TMPRSS2: variants seen among roughly 807,000 people sequenced by gnomAD.
TMPRSS2 encodes transmembrane protease serine 2.
A neutral mutation model predicts 67.4 loss-of-function variants in TMPRSS2; 59 were observed. The observed-to-expected ratio is 0.88, with a 90% CI of 0.71 to 1.09. The LOEUF is 1.09. Among genes scored for constraint, TMPRSS2 ranks in the 50% least tolerant of loss-of-function variants. The probability of loss-of-function intolerance (pLI) is 0.00; values close to 1 mark genes in which losing one functional copy is unlikely to be tolerated. For missense variants in TMPRSS2, 668 were observed against 642.7 expected, an observed-to-expected ratio of 1.04 and a Z score of -0.43; for synonymous variants, 257 against 257.0, an observed-to-expected ratio of 1.00 and a Z score of 0.00.
rs79397218 is a variant in TMPRSS2, at chr21:41,480,455, C to A, written c.572+21G>T. ...TCTGCTGTCTGTTACTGTCACTCGG[C>A]GGGTGCTGCCCCATACTCACTTATA... On this transcript the variant is annotated intron_variant, in intron 6 of 13. Transcript: ENST00000332149. 582 of 1,609,068 alleles carry A rather than the reference C, an allele frequency of 3.6e-4. 9 individuals are homozygous for A. The South Asian group carries it at 6.1e-3, about 17-fold the overall frequency.
chr21:41,472,762 C>T (rs2091145850), intron 9 of TMPRSS2, among the ~76,000 whole-genome samples: 1 of 152,184 alleles, frequency 6.6e-6, no homozygotes. Flanking sequence ...AATACATCCG[C>T]CAAGTGAGGC....
chr21:41,468,702 G>A, intron 11 of TMPRSS2, 164 bp from the exon 12 acceptor site: 1 of 710,064 alleles, frequency 1.4e-6, no homozygotes, highest in Non-Finnish European at 2.3e-6. Flanking sequence ...CCTCTCCTGG[G>A]AAACCTGGAT....
chr21:41,500,729 T>C (rs2146501180), intron 1 of TMPRSS2, among the ~76,000 whole-genome samples: 1 of 152,340 alleles, frequency 6.6e-6, no homozygotes, highest in East Asian at 1.9e-4. Flanking sequence ...GGAAAGTGAC[T>C]AATGTACAGG....
intron 6 of TMPRSS2, among the ~76,000 whole-genome samples, 164 bp from the exon 7 acceptor site, chr21:41,479,446 C>T (rs895790613): frequency 2.0e-5 from 3 of 152,114 alleles, no homozygotes; most frequent in African/African-American, 4.8e-5. Context: ...AATATTGTAA[C>T]GATTTTTCGA....
Position 41,465,938 on chromosome 21 carries a change from C to T in TMPRSS2, c.*204G>A. 1 of 632,796 alleles carries T rather than the reference C, an allele frequency of 1.6e-6. No homozygotes were observed. Among genetic ancestry groups the T allele is most frequent in the African/African-American group, 1.9e-5 (1 of 53,896 alleles). The allele number at this position is 632,796 out of a possible 1,614,324, so 39.2% of individuals were successfully genotyped here. Reference sequence around the variant, plus strand: ...CCAGCCGGCCATCACCCCTTGCGGACAAGGGGTTAGGGAGAGCAGGCTGGG... The same window carrying T: ...CCAGCCGGCCATCACCCCTTGCGGATAAGGGGTTAGGGAGAGCAGGCTGGG... On this transcript the variant is annotated 3_prime_UTR_variant, in exon 14 of 14. Coordinates refer to ENST00000332149, the MANE Select transcript of TMPRSS2 (RefSeq NM_005656.4).
Position 41,464,960 on chromosome 21 carries a change from C to T in TMPRSS2, c.*1182G>A, listed in dbSNP as rs1383329311. Reference sequence around the variant, plus strand: ...TGGCACTTGGCAATGCAAAAGGGACCCTTCCCCTGGTTGGAAACCCACAGC... The same window carrying T: ...TGGCACTTGGCAATGCAAAAGGGACTCTTCCCCTGGTTGGAAACCCACAGC... On this transcript the variant is annotated 3_prime_UTR_variant, in exon 14 of 14. Transcript: ENST00000332149. 8.6e-6 allele frequency: 2 copies of T among 233,276 alleles called. No homozygotes were observed. Among genetic ancestry groups the T allele is most frequent in the East Asian group, 1.2e-4 (2 of 16,596 alleles). The allele number at this position is 233,276 out of a possible 1,614,324, so 14.5% of individuals were successfully genotyped here.
At chr21:41,507,240 G>C (rs2091464038) in intron 1 of TMPRSS2, among the ~76,000 whole-genome samples, 1 of 152,212 alleles carries the variant, frequency 6.6e-6, no homozygotes, top group African/African-American at 2.4e-5. Context: ...ACCACTCAGG[G>C]TGCCACTGTG....
intron 9 of TMPRSS2, 83 bp from the exon 10 acceptor site, chr21:41,472,064 G>A: frequency 7.3e-7 from 1 of 1,363,792 alleles, no homozygotes; most frequent in East Asian, 2.4e-5. Context: ...AGAAGCTGGA[G>A]GCAAGACACC....
chr21:41,481,472 G>C (rs368635430), intron 5 of TMPRSS2, among the ~76,000 whole-genome samples: 1 of 152,164 alleles, frequency 6.6e-6, no homozygotes, highest in Non-Finnish European at 1.5e-5. Flanking sequence ...TAGGAGGGAC[G>C]GGCTGGGAGG....
chr21:41,483,766 CTT>C (rs35641122), intron 5 of TMPRSS2, among the ~76,000 whole-genome samples: 6 of 140,986 alleles, frequency 4.3e-5, no homozygotes, highest in East Asian at 2.0e-4. Context: ...CAAGCTAGTC[CTT>C]TTTTTTTTTT....
chr21:41,507,488 G>T (rs1042162529), intron 1 of TMPRSS2, among the ~76,000 whole-genome samples: 1 of 152,170 alleles, frequency 6.6e-6, no homozygotes, highest in African/African-American at 2.4e-5. Context: ...CTCGCCCGGG[G>T]GCCCTCCAGC....
chr21:41,487,227 G>A (rs899877772), intron 5 of TMPRSS2: 1 of 152,258 alleles, frequency 6.6e-6, no homozygotes, highest in African/African-American at 2.4e-5. Context: ...AGGAAATCCT[G>A]TCATTTCCAA....
Position 41,490,320 on chromosome 21 carries a change from A to AT in TMPRSS2, c.239-728dup, listed in dbSNP as rs1268850887. Among the ~76,000 whole-genome samples the AT allele has an allele frequency of 2.0e-5, 3 of 152,304 alleles. No individual in the cohort carries two copies. The East Asian group carries it at 5.8e-4, about 29-fold the overall frequency. On this transcript the variant is annotated intron_variant, in intron 3 of 13. Transcript: ENST00000332149. ...GTTAGTGGTACTCAAAGCAGAATAA[A>AT]TTGTCTTACCCAAGGCTATTTAGCG...
At chr21:41,489,287 C>T (rs2091319077) in intron 4 of TMPRSS2, among the ~76,000 whole-genome samples, 1 of 152,198 alleles carries the variant, frequency 6.6e-6, no homozygotes, top group Admixed American at 6.5e-5. Flanking sequence ...TGCTGGGTGG[C>T]ACCAAGCACC....
intron 13 of TMPRSS2, among the ~76,000 whole-genome samples, chr21:41,466,991 C>T (rs1246173312): frequency 6.6e-6 from 1 of 152,104 alleles, no homozygotes; most frequent in East Asian, 1.9e-4. Flanking sequence ...AGAACCCTGG[C>T]TGCTCCTGCC....
chr21:41,496,408 C>T (rs1378410656), intron 2 of TMPRSS2, among the ~76,000 whole-genome samples: 2 of 152,184 alleles, frequency 1.3e-5, no homozygotes, highest in Admixed American at 1.3e-4. Flanking sequence ...AGCTCTGCTG[C>T]AATAAACATT....
At chr21:41,500,077 C>A (rs2091413657) in intron 1 of TMPRSS2, among the ~76,000 whole-genome samples, 2 of 152,180 alleles carry the variant, frequency 1.3e-5, no homozygotes, top group African/African-American at 4.8e-5. Context: ...GCAGGCAGCA[C>A]TGGGCAGCGG....
At chr21:41,487,011 A>G (rs2091303505) in intron 5 of TMPRSS2, 1 of 152,220 alleles carries the variant, frequency 6.6e-6, no homozygotes, top group Non-Finnish European at 1.5e-5. Flanking sequence ...CAGAACTGCC[A>G]TGTGATCCAG....
intron 1 of TMPRSS2, among the ~76,000 whole-genome samples, chr21:41,501,754 G>A (rs1280866083): frequency 6.6e-6 from 1 of 152,148 alleles, no homozygotes; most frequent in Non-Finnish European, 1.5e-5. Flanking sequence ...ATCACATTCA[G>A]TCCTGTTCAT....
Sources: allele counts gnomAD v4.1 joint callset (sites outside exome capture counted in the v4.1 genomes callset), GRCh38; gene constraint gnomAD v4.1.1; transcripts MANE v1.5; gene names NCBI Gene and HGNC (gene_info 2026-07-23, HGNC 2026-07-21).